SNX13: variants seen among roughly 807,000 people sequenced by gnomAD.
The protein encoded by SNX13 is sorting nexin 13.
Under a neutral mutation model 133.6 loss-of-function variants are expected in SNX13, and 45 were observed. The ratio of observed to expected loss-of-function variants is 0.34; its 90% CI spans 0.27 to 0.43. The LOEUF (loss-of-function observed/expected upper bound fraction) is 0.43. Ranked by LOEUF, SNX13 falls within the 20% of genes least tolerant of loss-of-function variation. The pLI is 1.00. For synonymous variants in SNX13, 414 were observed against 373.9 expected (o/e 1.11, Z -1.24); for missense variants, 1,032 against 1,145.1 (o/e 0.90, Z 1.43).
At chr7:17,865,954 T>C (rs1339453282) in intron 9 of SNX13, among the ~76,000 whole-genome samples, 1 of 152,146 alleles carries the variant, frequency 6.6e-6, no homozygotes, top group African/African-American at 2.4e-5. Flanking sequence ...GGAATGAAAC[T>C]AGACCCCTAT....
chr7:17,810,724 G>A (rs1245866479), intron 20 of SNX13, among the ~76,000 whole-genome samples: 1 of 152,002 alleles, frequency 6.6e-6, no homozygotes, highest in African/African-American at 2.4e-5. Context: ...AGGCCAATAC[G>A]CCTGATGAAC....
chr7:17,860,999 T>C (rs1182112680), intron 9 of SNX13, among the ~76,000 whole-genome samples: 2 of 152,138 alleles, frequency 1.3e-5, no homozygotes, highest in East Asian at 1.9e-4. Context: ...TTCATGAACA[T>C]AGTATGTGTT....
chr7:17,882,118 C>A (rs1356948420), intron 5 of SNX13: 1 of 152,150 alleles, frequency 6.6e-6, no homozygotes, highest in Non-Finnish European at 1.5e-5. Context: ...GCTAAATTAG[C>A]AACCACACAA....
chr7:17,927,151 A>G (rs756521493), intron 1 of SNX13, among the ~76,000 whole-genome samples: 1 of 151,094 alleles, frequency 6.6e-6, no homozygotes, highest in Non-Finnish European at 1.5e-5. Context: ...TGACATATAT[A>G]TACATTACAT....
intron 5 of SNX13, chr7:17,879,959 C>T (rs943309054): frequency 6.6e-6 from 1 of 152,174 alleles, no homozygotes; most frequent in Non-Finnish European, 1.5e-5. Flanking sequence ...CATATACATA[C>T]ACAGGGATGG....
chr7:17,914,701 G>A (rs763802884), intron 1 of SNX13, among the ~76,000 whole-genome samples: 1 of 152,142 alleles, frequency 6.6e-6, no homozygotes, highest in Non-Finnish European at 1.5e-5. Flanking sequence ...CATGAGACTG[G>A]CCCTACAAGA....
chr7:17,891,690 A>C (rs540102957), intron 3 of SNX13, 55 bp from the exon 4 acceptor site: 28 of 1,267,666 alleles, frequency 2.2e-5, no homozygotes, highest in Non-Finnish European at 3.2e-5. Context: ...AAATCTCTCC[A>C]GTTTAATTCC....
At chr7:17,860,001 T>C (rs1472692162) in intron 9 of SNX13, among the ~76,000 whole-genome samples, 1 of 152,184 alleles carries the variant, frequency 6.6e-6, no homozygotes, top group Non-Finnish European at 1.5e-5. Flanking sequence ...TCAATTCTTT[T>C]GGATAGAGAC....
At chr7:17,811,549 T>A (rs767278840) in intron 20 of SNX13, among the ~76,000 whole-genome samples, 5 of 152,200 alleles carry the variant, frequency 3.3e-5, no homozygotes, top group African/African-American at 1.2e-4. Flanking sequence ...GAAGAATCAA[T>A]GTCGTGAAAA....
chr7:17,922,547 C>A (rs1800236697), intron 1 of SNX13, among the ~76,000 whole-genome samples: 1 of 152,148 alleles, frequency 6.6e-6, no homozygotes, highest in African/African-American at 2.4e-5. Context: ...ATCATCTAAA[C>A]CAATGTTTTC....
chr7:17,915,233 G>A (rs1799416760), intron 1 of SNX13, among the ~76,000 whole-genome samples: 3 of 152,036 alleles, frequency 2.0e-5, no homozygotes, highest in Non-Finnish European at 2.9e-5. Flanking sequence ...CTACTGTTAG[G>A]GACAAGCTGC....
At chr7:17,886,698 G>A (rs1271382994) in intron 5 of SNX13, among the ~76,000 whole-genome samples, 1 of 152,138 alleles carries the variant, frequency 6.6e-6, no homozygotes, top group Non-Finnish European at 1.5e-5. Flanking sequence ...CAACAAGGTT[G>A]CTTGTTATAG....
In SNX13 at chr7:17,839,893, T is replaced by C. The variant is rs1256309327; in HGVS notation, c.1273A>G (p.Arg425Gly). Reference protein sequence around the residue: ...QQLEVLLSRQRDGKHQTNQTK... With the variant: ...QQLEVLLSRQGDGKHQTNQTK... Reference sequence around the variant, plus strand: ...TGGTTGGTTTGATGTTTTCCATCTCTCTGACGACTTAATAAAACTTCTAGC... The same window carrying C: ...TGGTTGGTTTGATGTTTTCCATCTCCCTGACGACTTAATAAAACTTCTAGC... The change falls in exon 13 of 26, where the codon AGA (arginine) becomes GGA (glycine). Residue 425 changes from arginine (R) to glycine (G), a missense_variant. By Grantham distance (125) the Arg-to-Gly change is moderately radical. Transcript: ENST00000428135. The C allele has an allele frequency of 1.2e-6, 2 of 1,612,036 alleles. No homozygotes were observed. The highest frequency in any genetic ancestry group is 2.2e-5 in the South Asian group (2 of 91,024).
intron 5 of SNX13, chr7:17,881,835 G>C (rs530315246): frequency 3.3e-5 from 5 of 152,034 alleles, no homozygotes; most frequent in African/African-American, 1.2e-4. Context: ...AATTGAATTT[G>C]GGTAAAATTG....
intron 2 of SNX13, among the ~76,000 whole-genome samples, chr7:17,896,333 T>C (rs931239515): frequency 6.6e-6 from 1 of 152,192 alleles, no homozygotes; most frequent in Non-Finnish European, 1.5e-5. Flanking sequence ...GTCCTTGACA[T>C]AGCTGCTCAA....
chr7:17,809,417 A>C (rs528855530), intron 20 of SNX13, among the ~76,000 whole-genome samples: 1 of 152,126 alleles, frequency 6.6e-6, no homozygotes, highest in Non-Finnish European at 1.5e-5. Context: ...GGATCAATGC[A>C]ACAAGAGCTA....
At chr7:17,918,665 T>C (rs1021778424) in intron 1 of SNX13, among the ~76,000 whole-genome samples, 3 of 152,220 alleles carry the variant, frequency 2.0e-5, no homozygotes, top group Admixed American at 6.5e-5. Flanking sequence ...GGAAGTATAT[T>C]AGTTCAGCCC....
At chr7:17,805,429 T>C (rs1785182106) in intron 20 of SNX13, among the ~76,000 whole-genome samples, 1 of 152,146 alleles carries the variant, frequency 6.6e-6, no homozygotes, top group South Asian at 2.1e-4. Context: ...CGTAGAATTC[T>C]AAAGAGAAAT....
At chr7:17,847,761 T>C (rs531901353) in intron 11 of SNX13, among the ~76,000 whole-genome samples, 2 of 152,316 alleles carry the variant, frequency 1.3e-5, no homozygotes, top group South Asian at 2.1e-4. Flanking sequence ...AATTAAGATT[T>C]TTCTCCACTA....
Sources: allele counts gnomAD v4.1 joint callset (sites outside exome capture counted in the v4.1 genomes callset), GRCh38; gene constraint gnomAD v4.1.1; transcripts MANE v1.5; gene names NCBI Gene and HGNC (gene_info 2026-07-23, HGNC 2026-07-21).